Variants in SETBP1 observed in about 807,000 individuals in gnomAD.
SETBP1 encodes the protein SET-binding protein.
A neutral mutation model predicts 101.0 loss-of-function variants in SETBP1; 9 were observed. The ratio of observed to expected loss-of-function variants is 0.09; its 90% CI spans 0.05 to 0.16. The LOEUF is 0.16. SETBP1 is among the 10% of genes least tolerant of loss of function. SETBP1 has a pLI of 1.00. For synonymous variants in SETBP1, 818 were observed against 788.5 expected, an observed-to-expected ratio of 1.04 and a Z score of -0.63; for missense variants, 1,858 against 2,033.8, an observed-to-expected ratio of 0.91 and a Z score of 1.66.
In SETBP1 at chr18:44,951,896, G is replaced by C. The variant is rs150665941; in HGVS notation, c.2556G>C (p.Thr852=). Residue 852 remains threonine (T), a synonymous_variant, in exon 4 of 6, where the codon ACG becomes ACC. Transcript: ENST00000649279. The surrounding 1 kb of genome is among the most constrained non-coding windows in gnomAD (Gnocchi z 7.8). ...AGATTGGCTCCCTAAAGGAAATCACGCTGTCCCCTGTGAGCGAGTCCCACA... is the reference window on the plus strand; with the variant it reads ...AGATTGGCTCCCTAAAGGAAATCACCCTGTCCCCTGTGAGCGAGTCCCACA... ...LCEIGSLKEI[T]LSPVSESHSE... The C allele has an allele frequency of 5.0e-6, 8 of 1,613,878 alleles. No individual in the cohort carries two copies. In the Admixed American group the frequency reaches 6.7e-5, roughly 13 times the overall value.
intron 4 of SETBP1, among the ~76,000 whole-genome samples, chr18:44,982,245 G>A (rs1054652279): frequency 2.0e-5 from 3 of 152,164 alleles, no homozygotes; most frequent in South Asian, 2.1e-4. Flanking sequence ...ATTGAAATGC[G>A]CACAAGCAAA....
chr18:44,719,897 G>T (rs2069548252), intron 2 of SETBP1, among the ~76,000 whole-genome samples: 1 of 152,192 alleles, frequency 6.6e-6, no homozygotes, highest in African/African-American at 2.4e-5. Flanking sequence ...ACAGCCTGCT[G>T]GCAGTGGAGG....
At chr18:44,957,392 A>C (rs1202231205) in intron 4 of SETBP1, among the ~76,000 whole-genome samples, 1 of 152,138 alleles carries the variant, frequency 6.6e-6, no homozygotes, top group Non-Finnish European at 1.5e-5. Context: ...TAAAAAAAAA[A>C]AATGAGAAGA....
At chr18:44,877,408 A>T (rs539765480) in intron 3 of SETBP1, 2 of 979,012 alleles carry the variant, frequency 2.0e-6, no homozygotes, top group Admixed American at 1.2e-4. Flanking sequence ...AAAGAGTAGG[A>T]TTTGGACTCC....
chr18:44,767,556 G>C (rs377385769), intron 2 of SETBP1, among the ~76,000 whole-genome samples: 12 of 152,178 alleles, frequency 7.9e-5, no homozygotes, highest in Non-Finnish European at 1.6e-4. Context: ...CCTTAAGATG[G>C]TTATATGAAA....
At chr18:44,897,267 C>A (rs551862779) in intron 3 of SETBP1, among the ~76,000 whole-genome samples, 2 of 152,260 alleles carry the variant, frequency 1.3e-5, no homozygotes, top group Admixed American at 1.3e-4. Flanking sequence ...CCCTATCCCA[C>A]GCTGTCAGCT....
At chr18:44,881,218 T>TACCATACATAC (rs2069523528) in intron 3 of SETBP1, among the ~76,000 whole-genome samples, 1 of 152,204 alleles carries the variant, frequency 6.6e-6, no homozygotes, top group Non-Finnish European at 1.5e-5. Flanking sequence ...ACAGGAATGT[T>TACCATACATAC]CAGGTACCTC....
Position 44,950,439 on chromosome 18 carries a change from G to T in SETBP1, c.1099G>T (p.Gly367Trp), listed in dbSNP as rs1036050466. ...NAQKAFDNTE[G>W]KREGYSADSA... ...CCAGAAAGCATTTGACAATACAGAA[G>T]GGAAAAGGGAAGGTTATTCCGCAGA... Residue 367 changes from glycine to tryptophan, a missense_variant, in exon 4 of 6, where the codon GGG becomes TGG. Around this residue, in one of 12 missense-constraint regions of SETBP1, gnomAD observed 581 missense variants for 535.1 expected, o/e 1.09. Transcript: ENST00000649279. 1.2e-6 allele frequency: 2 copies of T among 1,614,038 alleles called. No homozygotes were observed. Among genetic ancestry groups the T allele is most frequent in the South Asian group, 1.1e-5 (1 of 91,072 alleles).
At chr18:44,919,948 A>T (rs959092537) in intron 3 of SETBP1, among the ~76,000 whole-genome samples, 1 of 151,996 alleles carries the variant, frequency 6.6e-6, no homozygotes, top group Non-Finnish European at 1.5e-5. Context: ...CTTTCTCCCC[A>T]CTAGAATGTA....
At chr18:44,971,697 T>G (rs192085765) in intron 4 of SETBP1, among the ~76,000 whole-genome samples, 2 of 152,366 alleles carry the variant, frequency 1.3e-5, no homozygotes, top group Non-Finnish European at 2.9e-5. Context: ...TCTGTTCATA[T>G]CCTTTGCCCA....
At chr18:44,731,256 T>C (rs776278118) in intron 2 of SETBP1, among the ~76,000 whole-genome samples, 4 of 152,194 alleles carry the variant, frequency 2.6e-5, no homozygotes, top group Non-Finnish European at 4.4e-5. Flanking sequence ...CAAATATCCC[T>C]TCCCCCACAT....
At chr18:44,783,672 G>A (rs1819051073) in intron 2 of SETBP1, among the ~76,000 whole-genome samples, 2 of 152,156 alleles carry the variant, frequency 1.3e-5, no homozygotes, top group African/African-American at 2.4e-5. Flanking sequence ...GTGTATATCA[G>A]CATATTTGAT....
At chr18:44,748,279 A>G (rs546381619) in intron 2 of SETBP1, among the ~76,000 whole-genome samples, 3 of 152,308 alleles carry the variant, frequency 2.0e-5, no homozygotes, top group East Asian at 1.9e-4. Flanking sequence ...GTGCAAATAT[A>G]TTTCTCAGAG....
chr18:44,732,158 C>G (rs1197384383), intron 2 of SETBP1, among the ~76,000 whole-genome samples: 1 of 152,094 alleles, frequency 6.6e-6, no homozygotes, highest in Non-Finnish European at 1.5e-5. Context: ...AGAAGCTGAC[C>G]TAAGAAAGTT....
chr18:44,811,720 T>C (rs1232044780), intron 2 of SETBP1, among the ~76,000 whole-genome samples: 3 of 152,184 alleles, frequency 2.0e-5, no homozygotes, highest in African/African-American at 7.2e-5. Flanking sequence ...TCCCCTACCA[T>C]GAGGAGGAGT....
At chr18:44,779,874 G>T (rs554162850) in intron 2 of SETBP1, among the ~76,000 whole-genome samples, 2 of 151,554 alleles carry the variant, frequency 1.3e-5, no homozygotes, top group African/African-American at 4.9e-5. Flanking sequence ...TTCTTCCCTT[G>T]TCTTAATAGT....
chr18:44,869,300 C>T lies in SETBP1; in HGVS notation c.540+17C>T, dbSNP rs754206176. On this transcript the variant is annotated intron_variant, in intron 3 of 5. Coordinates refer to ENST00000649279, the MANE Select transcript of SETBP1 (RefSeq NM_015559.3). Reference sequence around the variant, plus strand: ...CAGCCACAGGTAAGTTCCACTGATGCTTTTAAGAAGTTTGGAAGAGTAAAA... The same window carrying T: ...CAGCCACAGGTAAGTTCCACTGATGTTTTTAAGAAGTTTGGAAGAGTAAAA... 3.7e-6 allele frequency: 6 copies of T among 1,612,008 alleles called. No individual in the cohort carries two copies. The highest frequency in any genetic ancestry group is 5.1e-6 in the Non-Finnish European group (6 of 1,178,236).
At chr18:44,697,922 C>T (rs938388289) in intron 1 of SETBP1, among the ~76,000 whole-genome samples, 1 of 152,076 alleles carries the variant, frequency 6.6e-6, no homozygotes, top group Non-Finnish European at 1.5e-5. Flanking sequence ...ATTGCATGGC[C>T]GGCATTGCAA....
chr18:44,919,168 T>C (rs976144780), intron 3 of SETBP1, among the ~76,000 whole-genome samples: 3 of 152,188 alleles, frequency 2.0e-5, no homozygotes, highest in Non-Finnish European at 4.4e-5. Context: ...GCTCAGTAAA[T>C]ATTTGTTGAA....
Sources: gnomAD v4.1 joint callset for allele counts (sites outside exome capture counted in the v4.1 genomes callset) on GRCh38, gnomAD v4.1.1 for gene constraint, gnomAD v4.1.1 regional missense constraint, Gnocchi (gnomAD v3.1) non-coding constraint, MANE v1.5 for transcripts, NCBI Gene and HGNC (gene_info 2026-07-23, HGNC 2026-07-21) for gene names.